The following MICAL2 variants were observed in gnomAD, a reference collection of about 807,000 sequenced individuals.
The protein encoded by MICAL2 is microtubule associated monooxygenase, calponin and LIM domain containing 2, also known as [F-actin]-monooxygenase MICAL2.
Under a neutral mutation model 127.3 loss-of-function variants are expected in MICAL2, and 77 were observed. The ratio of observed to expected loss-of-function variants is 0.60; its 90% CI spans 0.50 to 0.73. The LOEUF (loss-of-function observed/expected upper bound fraction) is 0.73. Among genes scored for constraint, MICAL2 ranks in the 30% least tolerant of loss-of-function variants. The pLI is 0.00. For synonymous variants in MICAL2, 570 were observed against 551.1 expected (o/e 1.03, Z -0.48); for missense variants, 1,351 against 1,434.4 (o/e 0.94, Z 0.94).
chr11:12,210,830 G>T (rs2134177501), intron 6 of MICAL2, among the ~76,000 whole-genome samples: 1 of 152,232 alleles, frequency 6.6e-6, no homozygotes, highest in South Asian at 2.1e-4. Context: ...AGACGTTTGG[G>T]GCCACACCAT....
At chr11:12,265,209 T>C (rs1863573095), downstream of MICAL2, among the ~76,000 whole-genome samples, 1 of 152,254 alleles carries the variant, frequency 6.6e-6, no homozygotes, top group Admixed American at 6.5e-5. Flanking sequence ...GAGGCATCCT[T>C]GTAGGGAAGT....
chr11:12,208,161 C>G, intron 5 of MICAL2, 22 bp downstream of exon 5: 4 of 1,570,728 alleles, frequency 2.5e-6, no homozygotes, highest in Non-Finnish European at 3.5e-6. Context: ...TTTTCTTTTT[C>G]TGCCTAGAAA....
At chr11:12,235,895 A>T (rs1176454652) in intron 15 of MICAL2, among the ~76,000 whole-genome samples, 1 of 152,198 alleles carries the variant, frequency 6.6e-6, no homozygotes, top group Non-Finnish European at 1.5e-5. Flanking sequence ...TTGATGTTTC[A>T]TGAAGATCTT....
chr11:12,129,334 A>G (rs1345128949), intron 1 of MICAL2, among the ~76,000 whole-genome samples: 4 of 152,158 alleles, frequency 2.6e-5, no homozygotes, highest in African/African-American at 9.7e-5. Flanking sequence ...ATTCCCATTC[A>G]TATTTCATTT....
chr11:12,131,622 C>G (rs890125862), intron 1 of MICAL2, among the ~76,000 whole-genome samples: 1 of 152,204 alleles, frequency 6.6e-6, no homozygotes, highest in African/African-American at 2.4e-5. Flanking sequence ...CAACAGCCCC[C>G]AGTTCAGCAT....
chr11:12,153,994 G>A (rs1373790198), intron 2 of MICAL2, among the ~76,000 whole-genome samples: 2 of 152,216 alleles, frequency 1.3e-5, no homozygotes, highest in Non-Finnish European at 2.9e-5. Context: ...TTCACCAGCA[G>A]GGGATCCTGC....
chr11:12,177,776 C>T (rs548805767), intron 3 of MICAL2, among the ~76,000 whole-genome samples: 1 of 152,246 alleles, frequency 6.6e-6, no homozygotes, highest in Non-Finnish European at 1.5e-5. Flanking sequence ...TGAGGTTTGT[C>T]TCCAACTCCT....
chr11:12,160,376 C>T (rs530808699), intron 2 of MICAL2, among the ~76,000 whole-genome samples: 1 of 152,288 alleles, frequency 6.6e-6, no homozygotes, highest in South Asian at 2.1e-4. Flanking sequence ...ATCATCTTCC[C>T]AAAGACTTGT....
At chr11:12,330,251 G>A (rs895927958) in intron 32 of MICAL2, among the ~76,000 whole-genome samples, 2 of 152,168 alleles carry the variant, frequency 1.3e-5, no homozygotes, top group Admixed American at 6.5e-5. Context: ...AGATTGCCCT[G>A]TTGCTTAATG....
chr11:12,264,349 C>T (rs1188415896), downstream of MICAL2, among the ~76,000 whole-genome samples: 1 of 152,148 alleles, frequency 6.6e-6, no homozygotes, highest in South Asian at 2.1e-4. Context: ...CTCTCCTGTC[C>T]CAAAGGCTCA....
chr11:12,224,951 G>C (rs1857239081), intron 13 of MICAL2, 131 bp downstream of exon 13: 3 of 1,188,140 alleles, frequency 2.5e-6, no homozygotes, highest in Non-Finnish European at 3.5e-6. Context: ...CTTAACATTT[G>C]TTCTTTTCCC....
chr11:12,304,267 C>T (rs1180532258), intron 29 of MICAL2, among the ~76,000 whole-genome samples: 1 of 151,994 alleles, frequency 6.6e-6, no homozygotes, highest in Non-Finnish European at 1.5e-5. Context: ...TTTGGGTATT[C>T]TGTGAGGTAA....
At chr11:12,227,849 A>C (rs1857672418) in intron 15 of MICAL2, among the ~76,000 whole-genome samples, 1 of 152,250 alleles carries the variant, frequency 6.6e-6, no homozygotes, top group Admixed American at 6.5e-5. Flanking sequence ...GATGTCTGAC[A>C]GACATGATAG....
chr11:12,230,682 C>T (rs1858121801), intron 15 of MICAL2, among the ~76,000 whole-genome samples: 1 of 151,464 alleles, frequency 6.6e-6, no homozygotes, highest in Admixed American at 6.6e-5. Context: ...ACCTCCCTCC[C>T]TGATTTTCAC....
chr11:12,240,649 G>C (rs775504428), intron 17 of MICAL2, among the ~76,000 whole-genome samples: 4 of 152,230 alleles, frequency 2.6e-5, no homozygotes, highest in African/African-American at 4.8e-5. Flanking sequence ...AAGCACCGGA[G>C]CGTCCCTGTC....
intron 23 of MICAL2, 160 bp from the exon 24 acceptor site, chr11:12,256,625 G>T (rs959149228): frequency 3.0e-6 from 2 of 662,140 alleles, no homozygotes; most frequent in Middle Eastern, 4.1e-4. Flanking sequence ...GGTTGGGGGT[G>T]TATCTTCCTA....
intron 31 of MICAL2, among the ~76,000 whole-genome samples, chr11:12,326,299 G>A (rs113945621): frequency 6.6e-6 from 1 of 152,212 alleles, no homozygotes; most frequent in Non-Finnish European, 1.5e-5. Context: ...TCTGCCAAGG[G>A]ATGTGCCTTT....
rs190352681 is a variant in MICAL2 at position 12,328,289 on chromosome 11, A to G, written c.5515+1023A>G. On this transcript the variant is annotated intron_variant, in intron 32 of 34. Transcript: ENST00000646065. ...GTAAAGAGGTAATCCACAATACAGTATGACAAATGCTGTCATAGGAACAAG... is the reference window on the plus strand; with the variant it reads ...GTAAAGAGGTAATCCACAATACAGTGTGACAAATGCTGTCATAGGAACAAG... Among the ~76,000 whole-genome samples, 12 of 152,344 alleles carry G rather than the reference A, an allele frequency of 7.9e-5. No individual in the cohort carries two copies. The East Asian group carries it at 2.3e-3, about 29-fold the overall frequency.
At position 12,330,266 on chromosome 11, in the gene MICAL2, A is replaced by G. The variant is rs544746153; in HGVS notation, c.5515+3000A>G. Among the ~76,000 whole-genome samples, 10 of 152,332 alleles carry G rather than the reference A, an allele frequency of 6.6e-5. No homozygotes were observed. In the East Asian group the frequency reaches 1.7e-3, roughly 26 times the overall value. On this transcript the variant is annotated intron_variant, in intron 32 of 34. Transcript: ENST00000646065. Reference sequence around the variant, plus strand: ...AGATTGCCCTGTTGCTTAATGAATGACCAACGCTTATTAGGTTAAGTTGTA... The same window carrying G: ...AGATTGCCCTGTTGCTTAATGAATGGCCAACGCTTATTAGGTTAAGTTGTA...
Sources: allele counts gnomAD v4.1 joint callset (sites outside exome capture counted in the v4.1 genomes callset), GRCh38; gene constraint gnomAD v4.1.1; transcripts MANE v1.5; gene names NCBI Gene and HGNC (gene_info 2026-07-23, HGNC 2026-07-21).